Variants in PDE4B observed in about 807,000 individuals in gnomAD.
PDE4B encodes phosphodiesterase 4B.
In PDE4B, 20 loss-of-function variants were observed where a neutral mutation model predicts 82.2. That is an observed-to-expected ratio of 0.24 (90% confidence interval 0.17 to 0.35). The LOEUF is 0.35. Among genes scored for constraint, PDE4B ranks in the 10% least tolerant of loss-of-function variants. The probability of loss-of-function intolerance (pLI) is 1.00; values close to 1 mark genes in which losing one functional copy is unlikely to be tolerated. For missense variants in PDE4B, 655 were observed against 907.2 expected (o/e 0.72, Z 3.57); for synonymous variants, 320 against 318.9 (o/e 1.00, Z -0.04).
intron 3 of PDE4B, among the ~76,000 whole-genome samples, chr1:66,142,618 A>G (rs1646194858): frequency 6.6e-6 from 1 of 152,202 alleles, no homozygotes; most frequent in South Asian, 2.1e-4. Context: ...CTTCTGGACT[A>G]GTTCTTTTGA....
At chr1:66,082,251 T>C (rs1039942799) in intron 3 of PDE4B, among the ~76,000 whole-genome samples, 2 of 152,140 alleles carry the variant, frequency 1.3e-5, no homozygotes, top group Non-Finnish European at 2.9e-5. Flanking sequence ...TGTCCTCTAC[T>C]GGCTGAGAAC....
chr1:66,325,881 C>T (rs1482708475), intron 7 of PDE4B, among the ~76,000 whole-genome samples: 2 of 152,196 alleles, frequency 1.3e-5, no homozygotes. Context: ...ACTTAATTCT[C>T]ACACCTAGTT....
At chr1:65,873,195 G>T (rs188261404) in intron 1 of PDE4B, among the ~76,000 whole-genome samples, 1 of 152,172 alleles carries the variant, frequency 6.6e-6, no homozygotes, top group African/African-American at 2.4e-5. Context: ...TTTTACTCTG[G>T]CAAGAAAGAT....
chr1:65,995,550 C>T (rs1244889870), intron 3 of PDE4B, among the ~76,000 whole-genome samples: 1 of 152,178 alleles, frequency 6.6e-6, no homozygotes. Flanking sequence ...TGCTCTACCT[C>T]CTGTCTCTAA....
At chr1:66,227,591 A>G (rs1651555921) in intron 3 of PDE4B, among the ~76,000 whole-genome samples, 1 of 152,198 alleles carries the variant, frequency 6.6e-6, no homozygotes, top group South Asian at 2.1e-4. Context: ...CATTCCTAAC[A>G]TCAGCTCTCC....
At chr1:66,138,074 G>A (rs1646094480) in intron 3 of PDE4B, among the ~76,000 whole-genome samples, 1 of 152,186 alleles carries the variant, frequency 6.6e-6, no homozygotes, top group Non-Finnish European at 1.5e-5. Context: ...GACAAAGCTA[G>A]GCTTGTCTAG....
intron 12 of PDE4B, among the ~76,000 whole-genome samples, chr1:66,365,253 C>T (rs748370853): frequency 6.6e-6 from 1 of 152,148 alleles, no homozygotes; most frequent in Non-Finnish European, 1.5e-5. Flanking sequence ...CCATTTTTCT[C>T]TAAGTTATTC....
chr1:66,074,685 T>G (rs1361894438), intron 3 of PDE4B, among the ~76,000 whole-genome samples: 1 of 99,348 alleles, frequency 1.0e-5, no homozygotes, highest in Non-Finnish European at 2.0e-5. Flanking sequence ...TCTATTTCTC[T>G]CTATATGAAT....
At chr1:66,024,019 T>A (rs1653295478) in intron 3 of PDE4B, among the ~76,000 whole-genome samples, 1 of 152,136 alleles carries the variant, frequency 6.6e-6, no homozygotes, top group Non-Finnish European at 1.5e-5. Context: ...TGTGAATTGT[T>A]TCAGGCGGTT....
intron 1 of PDE4B, among the ~76,000 whole-genome samples, chr1:65,839,784 C>T (rs1242713855): frequency 2.0e-5 from 3 of 152,006 alleles, no homozygotes; most frequent in South Asian, 2.1e-4. Context: ...TGGGTATATA[C>T]CCAGTAATGA....
At chr1:65,886,007 A>G (rs957386406) in intron 1 of PDE4B, among the ~76,000 whole-genome samples, 3 of 151,450 alleles carry the variant, frequency 2.0e-5, no homozygotes, top group African/African-American at 4.8e-5. Context: ...GAATTGAGGT[A>G]TGTGCTCTAA....
At chr1:66,194,002 G>A (rs1648056109) in intron 3 of PDE4B, among the ~76,000 whole-genome samples, 1 of 148,586 alleles carries the variant, frequency 6.7e-6, no homozygotes, top group Non-Finnish European at 1.5e-5. Context: ...TCTAGTTCTA[G>A]TAACTGACAA....
intron 7 of PDE4B, among the ~76,000 whole-genome samples, chr1:66,294,465 A>T (rs17128748): frequency 0.036 from 5,550 of 152,198 alleles, 120 homozygotes; most frequent in Middle Eastern, 0.068. Flanking sequence ...CCCAAAGTGA[A>T]TTTTTTTGGT....
intron 7 of PDE4B, among the ~76,000 whole-genome samples, chr1:66,285,792 C>G (rs1656635937): frequency 6.6e-6 from 1 of 152,014 alleles, no homozygotes; most frequent in Admixed American, 6.6e-5. Flanking sequence ...AAGAGCTGTA[C>G]AATGCTGCAG....
At chr1:66,212,459 G>T (rs528928424) in intron 3 of PDE4B, among the ~76,000 whole-genome samples, 1 of 152,192 alleles carries the variant, frequency 6.6e-6, no homozygotes, top group East Asian at 1.9e-4. Context: ...TCTAGCGTTT[G>T]CTTGAATCTC....
chr1:65,994,755 A>G (rs1438369634), intron 3 of PDE4B, among the ~76,000 whole-genome samples: 2 of 152,120 alleles, frequency 1.3e-5, no homozygotes, highest in Non-Finnish European at 2.9e-5. Context: ...TTAGATAGCT[A>G]ATTTTTAGAT....
intron 3 of PDE4B, among the ~76,000 whole-genome samples, chr1:66,152,765 G>A (rs1256847019): frequency 2.0e-5 from 3 of 151,916 alleles, no homozygotes; most frequent in African/African-American, 7.3e-5. Flanking sequence ...ACTCAGTCGG[G>A]AGTCAATGTT....
intron 3 of PDE4B, among the ~76,000 whole-genome samples, chr1:66,101,966 T>G (rs992040931): frequency 1.3e-5 from 2 of 152,218 alleles, no homozygotes; most frequent in African/African-American, 2.4e-5. Flanking sequence ...ATGCTTTTAG[T>G]TCTAACATTT....
In PDE4B at chr1:66,372,690, C is replaced by A; in HGVS notation, c.*12C>A. 1 of 1,600,452 alleles carries A rather than the reference C, an allele frequency of 6.2e-7. No individual in the cohort carries two copies. Among genetic ancestry groups the A allele is most frequent in the Non-Finnish European group, 8.5e-7 (1 of 1,172,490 alleles). On this transcript the variant is annotated 3_prime_UTR_variant, in exon 17 of 17. Coordinates refer to ENST00000341517, the MANE Select transcript of PDE4B (RefSeq NM_002600.4). Reference sequence around the variant, plus strand: ...CCGTGGATACATAATCCCCCTCTCCCTGTGGAGATGAACATTCTATCCTTG... The same window carrying A: ...CCGTGGATACATAATCCCCCTCTCCATGTGGAGATGAACATTCTATCCTTG...
Sources: gnomAD v4.1 joint callset for allele counts (sites outside exome capture counted in the v4.1 genomes callset) on GRCh38, gnomAD v4.1.1 for gene constraint, MANE v1.5 for transcripts, NCBI Gene and HGNC (gene_info 2026-07-23, HGNC 2026-07-21) for gene names.